Variants in AHR observed in about 807,000 individuals in gnomAD.
AHR encodes the protein aryl hydrocarbon receptor.
AHR carries 40 observed loss-of-function variants against 86.8 expected under a neutral mutation model. That is an observed-to-expected ratio of 0.46 (90% CI 0.36 to 0.60). The LOEUF (loss-of-function observed/expected upper bound fraction) is 0.60. Ranked by LOEUF, AHR falls within the 20% of genes least tolerant of loss-of-function variation. AHR has a pLI of 0.00. For missense variants in AHR, 1,001 were observed against 1,011.6 expected (o/e 0.99, Z 0.14); for synonymous variants, 398 against 354.9 (o/e 1.12, Z -1.37).
At chr7:17,331,086 A>G (rs116609160) in intron 6 of AHR, among the ~76,000 whole-genome samples, 200 bp downstream of exon 6, 357 of 152,052 alleles carry the variant, frequency 2.3e-3, no homozygotes, top group African/African-American at 8.0e-3. Flanking sequence ...AGGTACAGAA[A>G]TGGCTTGATT....
chr7:17,332,612 A>T (rs1782312413), intron 6 of AHR, among the ~76,000 whole-genome samples: 1 of 151,996 alleles, frequency 6.6e-6, no homozygotes. Flanking sequence ...TAGAATAAGG[A>T]TATAAAGAAA....
At chr7:17,324,343 T>C (rs1448813321) in intron 3 of AHR, among the ~76,000 whole-genome samples, 1 of 152,184 alleles carries the variant, frequency 6.6e-6, no homozygotes, top group African/African-American at 2.4e-5. Context: ...ATTATAACAA[T>C]TGCATAATGA....
chr7:17,312,837 A>G (rs1782079979), intron 2 of AHR, among the ~76,000 whole-genome samples: 1 of 152,188 alleles, frequency 6.6e-6, no homozygotes, highest in Non-Finnish European at 1.5e-5. Flanking sequence ...TAAAATGCAA[A>G]TTTGGAGGCA....
Position 17,334,890 on chromosome 7 carries a change from A to T in AHR, c.912A>T (p.Gly304=). The T allele has an allele frequency of 6.3e-7, 1 of 1,594,438 alleles. No individual in the cohort carries two copies. Among genetic ancestry groups the T allele is most frequent in the Non-Finnish European group, 8.5e-7 (1 of 1,170,010 alleles). ...TACCTTTTTTTATTTTAAACAGAGG[A>T]AGAATTGTTTTAGGATATACTGAAG... ...DFTPIGCDAK[G]RIVLGYTEAE... The change falls in exon 8 of 11, where the codon GGA becomes GGT. Residue 304 remains glycine, a synonymous_variant. Transcript: ENST00000242057.
intron 6 of AHR, among the ~76,000 whole-genome samples, chr7:17,332,872 C>G (rs1167001257): frequency 1.3e-5 from 2 of 151,974 alleles, no homozygotes; most frequent in African/African-American, 4.8e-5. Context: ...TCACCACTCA[C>G]TCACTGACTA....
At position 17,298,768 on chromosome 7, in the gene AHR, C is replaced by T. The variant is rs530047603; in HGVS notation, c.-497C>T. The stretch of plus-strand genomic sequence containing the variant: ...CTGGGAGCAGCCGGGACTGGTGGCC[C>T]GCGCCCGAGCTCCGCAGGCGGGAAG... On this transcript the variant is annotated 5_prime_UTR_variant, in exon 1 of 11. Transcript: ENST00000242057. 2,265 of 397,962 alleles carry T rather than the reference C, an allele frequency of 5.7e-3. 51 individuals are homozygous for T. The highest frequency in any genetic ancestry group is 0.043 in the African/African-American group (2,072 of 48,662). The allele number at this position is 397,962 out of a possible 1,614,324, so 24.7% of individuals were successfully genotyped here.
At chr7:17,335,553 C>A in intron 8 of AHR, 92 bp from the exon 9 acceptor site, 1 of 1,093,254 alleles carries the variant, frequency 9.1e-7, no homozygotes, top group Non-Finnish European at 1.3e-6. Context: ...GGAAATACAT[C>A]CAGAACTATG....
At chr7:17,342,354 C>G (rs139315263) in intron 10 of AHR, among the ~76,000 whole-genome samples, 208 of 152,110 alleles carry the variant, frequency 1.4e-3, no homozygotes, top group Admixed American at 2.3e-3. Context: ...GTAATTAGAA[C>G]TATGCTTTCA....
chr7:17,327,395 T>C (rs1001171284), intron 3 of AHR, among the ~76,000 whole-genome samples: 2 of 151,974 alleles, frequency 1.3e-5, no homozygotes, highest in African/African-American at 2.4e-5. Context: ...TCAACATCTT[T>C]GCCTCCTGTT....
In AHR at chr7:17,333,952, A is replaced by C; in HGVS notation, c.746A>C (p.Gln249Pro). 6.2e-7 allele frequency: 1 copy of C among 1,613,444 alleles called. No homozygotes were observed. Among genetic ancestry groups the C allele is most frequent in the Non-Finnish European group, 8.5e-7 (1 of 1,179,474 alleles). The change falls in exon 7 of 11, where the codon CAG becomes CCG. Residue 249 changes from glutamine to proline, a missense_variant. Coordinates refer to ENST00000242057, the MANE Select transcript of AHR (RefSeq NM_001621.5). ...FQGKLKYLHG[Q>P]KKKGKDGSIL... ...GGGAAGTTAAAGTATCTTCATGGAC[A>C]GAAAAAGAAAGGGAAAGATGGATCA...
intron 3 of AHR, among the ~76,000 whole-genome samples, chr7:17,324,525 A>G (rs1782207320): frequency 6.6e-6 from 1 of 152,234 alleles, no homozygotes. Context: ...ATTAAAGGCC[A>G]GGTGCGGTGG....
intron 1 of AHR, among the ~76,000 whole-genome samples, chr7:17,304,381 G>A (rs947562709): frequency 6.6e-6 from 1 of 152,092 alleles, no homozygotes; most frequent in Non-Finnish European, 1.5e-5. Flanking sequence ...AATATACTGT[G>A]ATTATATTTG....
chr7:17,331,991 T>C (rs950107630), intron 6 of AHR, among the ~76,000 whole-genome samples: 24 of 152,004 alleles, frequency 1.6e-4, no homozygotes, highest in Admixed American at 2.6e-4. Context: ...CCCAGTGTTA[T>C]TGCTCATGAA....
In AHR at chr7:17,339,063, T is replaced by G; in HGVS notation, c.1238T>G (p.Leu413Trp). Residue 413 changes from leucine to tryptophan, a missense_variant, in exon 10 of 11, where the codon TTG (leucine) becomes TGG (tryptophan). Transcript: ENST00000242057. ...PFMFTTGEAV[L>W]YEATNPFPAI... ...ATGTTTACCACTGGAGAAGCTGTGT[T>G]GTATGAGGCAACCAACCCTTTTCCT... 2 of 1,614,198 alleles carry G rather than the reference T, an allele frequency of 1.2e-6. No individual in the cohort carries two copies. The highest frequency in any genetic ancestry group is 1.7e-6 in the Non-Finnish European group (2 of 1,180,036).
intron 10 of AHR, 61 bp downstream of exon 10, chr7:17,340,289 T>C: frequency 1.3e-6 from 2 of 1,503,020 alleles, no homozygotes; most frequent in East Asian, 2.3e-5. Flanking sequence ...TATAGACATG[T>C]TACACATTTT....
chr7:17,332,558 T>C (rs1452252687), intron 6 of AHR, among the ~76,000 whole-genome samples: 11 of 151,726 alleles, frequency 7.2e-5, no homozygotes, highest in Non-Finnish European at 1.6e-4. Context: ...AAAAAAAGTT[T>C]AAAAAGTAAA....
chr7:17,322,281 AAAC>A (rs1782182531), intron 2 of AHR, among the ~76,000 whole-genome samples: 1 of 151,994 alleles, frequency 6.6e-6, no homozygotes. Context: ...CAACTTGACT[AAAC>A]CCTTCAGTTT....
chr7:17,298,695 C>T lies in AHR; in HGVS notation c.-570C>T, dbSNP rs901651488. 8 of 396,122 alleles carry T rather than the reference C, an allele frequency of 2.0e-5. No homozygotes were observed. The highest frequency in any genetic ancestry group is 1.7e-4 in the African/African-American group (8 of 48,480). The allele number at this position is 396,122 out of a possible 1,614,324, so 24.5% of individuals were successfully genotyped here. A position where few individuals can be genotyped will look rare whatever the true frequency, so the allele number is the denominator to read the frequency against. On this transcript the variant is annotated 5_prime_UTR_variant, in exon 1 of 11. Coordinates refer to ENST00000242057, the MANE Select transcript of AHR (RefSeq NM_001621.5). Reference sequence around the variant, plus strand: ...TCGACGCTCTGTTCCGAGAGCGTGCCCCGGACCGCCAGCTCAGAACAGGGG... The same window carrying T: ...TCGACGCTCTGTTCCGAGAGCGTGCTCCGGACCGCCAGCTCAGAACAGGGG...
intron 1 of AHR, among the ~76,000 whole-genome samples, chr7:17,303,910 A>T (rs1781979834): frequency 6.6e-6 from 1 of 152,102 alleles, no homozygotes; most frequent in African/African-American, 2.4e-5. Flanking sequence ...ATTTTTGCTT[A>T]AAAAATATTA....
Sources: gnomAD v4.1 joint callset for allele counts (sites outside exome capture counted in the v4.1 genomes callset) on GRCh38, gnomAD v4.1.1 for gene constraint, MANE v1.5 for transcripts, NCBI Gene and HGNC (gene_info 2026-07-23, HGNC 2026-07-21) for gene names.